Variants in CDKAL1 observed in about 807,000 individuals in gnomAD.
CDKAL1 encodes the protein threonylcarbamoyladenosine tRNA methylthiotransferase.
Under a neutral mutation model 68.2 loss-of-function variants are expected in CDKAL1, and 32 were observed. The ratio of observed to expected loss-of-function variants is 0.47; its 90% CI spans 0.35 to 0.63. CDKAL1 has a LOEUF of 0.63. CDKAL1 is among the 30% of genes least tolerant of loss of function. CDKAL1 has a pLI of 0.00. For synonymous variants in CDKAL1, 234 were observed against 244.3 expected (o/e 0.96, Z 0.39); for missense variants, 606 against 696.7 (o/e 0.87, Z 1.47).
intron 5 of CDKAL1, among the ~76,000 whole-genome samples, chr6:20,659,782 C>T (rs1375727628): frequency 9.2e-5 from 14 of 152,120 alleles, no homozygotes; most frequent in African/African-American, 2.4e-4. Context: ...TTTTCTCTAG[C>T]TAGCATTTCC....
At chr6:20,654,299 G>GT (rs200376020) in intron 5 of CDKAL1, among the ~76,000 whole-genome samples, 17,512 of 142,558 alleles carry the variant, frequency 0.12, 1,385 homozygotes, top group East Asian at 0.39. Context: ...TATTTTTCTG[G>GT]TTTTTTTTTT....
intron 10 of CDKAL1, among the ~76,000 whole-genome samples, chr6:20,960,910 A>G (rs189406653): frequency 3.3e-5 from 5 of 152,342 alleles, no homozygotes; most frequent in East Asian, 3.9e-4. Flanking sequence ...AGCTTATTGT[A>G]TGATTATCGA....
intron 11 of CDKAL1, among the ~76,000 whole-genome samples, chr6:21,005,585 G>A (rs541321843): frequency 2.0e-5 from 3 of 152,124 alleles, no homozygotes; most frequent in Non-Finnish European, 4.4e-5. Flanking sequence ...ATTAATAAAC[G>A]GTTTTGTTTT....
intron 13 of CDKAL1, among the ~76,000 whole-genome samples, chr6:21,118,843 A>G (rs1774556629): frequency 1.3e-5 from 2 of 152,354 alleles, no homozygotes; most frequent in South Asian, 4.1e-4. Flanking sequence ...GTTATGTGGT[A>G]GACACATGGG....
At chr6:21,121,201 G>T (rs1422264695) in intron 13 of CDKAL1, among the ~76,000 whole-genome samples, 1 of 152,150 alleles carries the variant, frequency 6.6e-6, no homozygotes, top group Non-Finnish European at 1.5e-5. Flanking sequence ...TCTTATGAAT[G>T]GTGTCACTCA....
intron 8 of CDKAL1, among the ~76,000 whole-genome samples, chr6:20,835,213 C>A (rs889258730): frequency 6.6e-6 from 1 of 152,116 alleles, no homozygotes; most frequent in Admixed American, 6.5e-5. Context: ...GGCAATGTTT[C>A]ACAGATGTAT....
At chr6:20,946,958 A>G (rs996366339) in intron 9 of CDKAL1, among the ~76,000 whole-genome samples, 11 of 152,146 alleles carry the variant, frequency 7.2e-5, no homozygotes, top group African/African-American at 2.7e-4. Context: ...TTTACTTGAC[A>G]ATATGTTCTT....
At chr6:20,831,416 G>C (rs1278260976) in intron 8 of CDKAL1, among the ~76,000 whole-genome samples, 1 of 88,278 alleles carries the variant, frequency 1.1e-5, no homozygotes, top group East Asian at 2.5e-4. Context: ...GTGCGGACGA[G>C]TGTTGTTGTG....
At chr6:20,560,303 T>A (rs1357833863) in intron 4 of CDKAL1, among the ~76,000 whole-genome samples, 2 of 152,172 alleles carry the variant, frequency 1.3e-5, no homozygotes, top group African/African-American at 4.8e-5. Context: ...AATTGACCCT[T>A]TCAGAGGCAG....
At chr6:20,929,707 G>A (rs570324176) in intron 9 of CDKAL1, among the ~76,000 whole-genome samples, 1 of 152,208 alleles carries the variant, frequency 6.6e-6, no homozygotes, top group Admixed American at 6.5e-5. Context: ...TTTGCTGGCT[G>A]ACACCTGAAG....
At chr6:21,161,450 A>T (rs1182027597) in intron 13 of CDKAL1, among the ~76,000 whole-genome samples, 1 of 152,198 alleles carries the variant, frequency 6.6e-6, no homozygotes, top group Non-Finnish European at 1.5e-5. Flanking sequence ...CTCTCTTTTC[A>T]GTCAGTGTAA....
chr6:20,612,501 T>G (rs1766663422), intron 4 of CDKAL1, among the ~76,000 whole-genome samples: 1 of 152,142 alleles, frequency 6.6e-6, no homozygotes, highest in Admixed American at 6.5e-5. Flanking sequence ...TCCCTGATGA[T>G]TAGTGATGTT....
intron 9 of CDKAL1, among the ~76,000 whole-genome samples, chr6:20,937,144 A>G (rs991575573): frequency 6.6e-6 from 1 of 151,928 alleles, no homozygotes; most frequent in Non-Finnish European, 1.5e-5. Flanking sequence ...GTGGGAGTGT[A>G]GTAGCACAGT....
At chr6:20,902,540 GC>G (rs542128928) in intron 9 of CDKAL1, among the ~76,000 whole-genome samples, 39 of 152,242 alleles carry the variant, frequency 2.6e-4, no homozygotes, top group Admixed American at 1.1e-3. Context: ...ATTTTGAAAT[GC>G]CTGTGAGATA....
intron 13 of CDKAL1, among the ~76,000 whole-genome samples, chr6:21,128,588 C>T (rs1775133822): frequency 6.6e-6 from 1 of 152,094 alleles, no homozygotes; most frequent in Non-Finnish European, 1.5e-5. Context: ...CTGAAGACGC[C>T]TCAGAATGGC....
At chr6:21,105,837 C>T (rs891729046) in intron 12 of CDKAL1, among the ~76,000 whole-genome samples, 5 of 152,166 alleles carry the variant, frequency 3.3e-5, no homozygotes, top group African/African-American at 1.2e-4. Flanking sequence ...TGGTCGTGGG[C>T]TAACCTATGA....
At chr6:20,801,026 T>C (rs1483097655) in intron 8 of CDKAL1, among the ~76,000 whole-genome samples, 1 of 152,214 alleles carries the variant, frequency 6.6e-6, no homozygotes, top group Non-Finnish European at 1.5e-5. Flanking sequence ...CAAGCAGTCC[T>C]CCTATCTGAG....
At chr6:21,203,871 A>C (rs1398751179) in intron 15 of CDKAL1, among the ~76,000 whole-genome samples, 1 of 151,346 alleles carries the variant, frequency 6.6e-6, no homozygotes, top group Non-Finnish European at 1.5e-5. Flanking sequence ...TAATCACTTG[A>C]CCTCTTTTGA....
intron 2 of CDKAL1, among the ~76,000 whole-genome samples, chr6:20,544,965 T>TTG (rs70990042): frequency 0.024 from 3,580 of 149,432 alleles, 60 homozygotes; most frequent in East Asian, 0.11. Context: ...GATTACAGTT[T>TTG]TGTGTGTGTG....
Sources: allele counts gnomAD v4.1 joint callset (sites outside exome capture counted in the v4.1 genomes callset), GRCh38; gene constraint gnomAD v4.1.1; transcripts MANE v1.5; gene names NCBI Gene and HGNC (gene_info 2026-07-23, HGNC 2026-07-21).